Variants in CA13 observed in about 807,000 individuals in gnomAD.
The protein encoded by CA13 is CA-XIII.
Under a neutral mutation model 31.5 loss-of-function variants are expected in CA13, and 21 were observed. The ratio of observed to expected loss-of-function variants is 0.67; its 90% confidence interval spans 0.47 to 0.96. The LOEUF is 0.96. Ranked by LOEUF, CA13 falls within the 40% of genes least tolerant of loss-of-function variation. The pLI is 0.00. For missense variants in CA13, 315 were observed against 318.9 expected, an observed-to-expected ratio of 0.99 and a Z score of 0.09; for synonymous variants, 117 against 111.4, an observed-to-expected ratio of 1.05 and a Z score of -0.32.
At chr8:85,253,301 A>T (rs909603198) in intron 2 of CA13, among the ~76,000 whole-genome samples, 61 of 146,972 alleles carry the variant, frequency 4.2e-4, no homozygotes, top group African/African-American at 1.4e-3. Flanking sequence ...GTCTCGCTCC[A>T]TTGCCTAGGC....
chr8:85,266,773 C>T lies in CA13; in HGVS notation c.450+70C>T. ...GAAAGAGCTTCAGTCACGAAGTAGA[C>T]ATTCAACCATCTTGTTTAATAGTAA... On this transcript the variant is annotated intron_variant, in intron 4 of 6. Coordinates refer to ENST00000321764, the MANE Select transcript of CA13 (RefSeq NM_198584.3). 6.2e-6 allele frequency: 7 copies of T among 1,135,052 alleles called. No individual in the cohort carries two copies. In the Middle Eastern group the frequency reaches 1.2e-3, roughly 194 times the overall value. 70.3% of individuals were successfully genotyped at this position (1,135,052 alleles called of 1,614,324 possible).
chr8:85,281,623 C>A lies in CA13; in HGVS notation c.*274C>A. 1 of 494,204 alleles carries A rather than the reference C, an allele frequency of 2.0e-6. No individual in the cohort carries two copies. Among genetic ancestry groups the A allele is most frequent in the Non-Finnish European group, 2.9e-6 (1 of 350,812 alleles). 30.6% of individuals were successfully genotyped at this position (494,204 alleles called of 1,614,324 possible). A position where few individuals can be genotyped will look rare whatever the true frequency, so the allele number is the denominator to read the frequency against. The stretch of plus-strand genomic sequence containing the variant: ...CAACTCCTGGACTCAAGTGATCCTC[C>A]CACCTCAGCCTCCAGAGTAAGTAGG... On this transcript the variant is annotated 3_prime_UTR_variant, in exon 7 of 7. Transcript: ENST00000321764.
intron 3 of CA13, among the ~76,000 whole-genome samples, chr8:85,265,417 G>A (rs989787530): frequency 6.6e-6 from 1 of 152,166 alleles, no homozygotes; most frequent in Non-Finnish European, 1.5e-5. Flanking sequence ...GGGTGTGTTC[G>A]AGATACCGTA....
intron 5 of CA13, 50 bp from the exon 6 acceptor site, chr8:85,268,422 A>C (rs369849769): frequency 6.4e-7 from 1 of 1,560,612 alleles, no homozygotes; most frequent in Non-Finnish European, 8.8e-7. Flanking sequence ...TTTGAGGTCT[A>C]TGTAGAGCTA....
rs188406475 is a variant in CA13 at position 85,272,138 on chromosome 8, C to G, written c.669+3511C>G. On this transcript the variant is annotated intron_variant, in intron 6 of 6. Coordinates refer to ENST00000321764, the MANE Select transcript of CA13 (RefSeq NM_198584.3). ...GTGCTCTTTTGCAGTCCTTCACCTT[C>G]TTCACCATAGTCCTAGGCAACAACT... Among the ~76,000 whole-genome samples the G allele has an allele frequency of 1.5e-3, 229 of 152,300 alleles. 2 individuals are homozygous for G. The highest frequency in any genetic ancestry group is 1.0e-3 in the Non-Finnish European group (71 of 68,028).
At chr8:85,270,396 A>G (rs1186471164) in intron 6 of CA13, among the ~76,000 whole-genome samples, 1 of 152,210 alleles carries the variant, frequency 6.6e-6, no homozygotes, top group Admixed American at 6.5e-5. Flanking sequence ...AAGGCAAATA[A>G]TAACCTAGTG....
intron 2 of CA13, among the ~76,000 whole-genome samples, chr8:85,257,030 A>C (rs1807311018): frequency 6.6e-6 from 1 of 152,152 alleles, no homozygotes; most frequent in South Asian, 2.1e-4. Flanking sequence ...GATTCCAAGC[A>C]AATTGCAGAT....
chr8:85,261,283 A>G (rs909582671), intron 3 of CA13, among the ~76,000 whole-genome samples: 9 of 152,288 alleles, frequency 5.9e-5, no homozygotes, highest in African/African-American at 1.9e-4. Flanking sequence ...TTTGTTTCAC[A>G]TGGAGACCTT....
In CA13 at chr8:85,268,543, T is replaced by C; in HGVS notation, c.585T>C (p.Tyr195=). The change falls in exon 6 of 7, where the codon TAT becomes TAC. Residue 195 remains tyrosine, a synonymous_variant. Transcript: ENST00000321764. ...CACCATCCTGGGACTACTGGACATATCCTGGTTCTCTTACAGTTCCACCTC... is the reference window on the plus strand; with the variant it reads ...CACCATCCTGGGACTACTGGACATACCCTGGTTCTCTTACAGTTCCACCTC... ...LLPPSWDYWT[Y]PGSLTVPPLL... is the part of the protein sequence containing the mutation. 6.2e-7 allele frequency: 1 copy of C among 1,614,060 alleles called. No individual in the cohort carries two copies. Among genetic ancestry groups the C allele is most frequent in the Non-Finnish European group, 8.5e-7 (1 of 1,179,926 alleles).
intron 2 of CA13, among the ~76,000 whole-genome samples, chr8:85,258,759 C>CA (rs33933991): frequency 0.015 from 632 of 43,478 alleles, 157 homozygotes; most frequent in East Asian, 0.049. Flanking sequence ...CCTGTCTCTA[C>CA]AAAAAAAAAA....
intron 6 of CA13, among the ~76,000 whole-genome samples, chr8:85,276,264 G>C (rs995243379): frequency 6.6e-6 from 1 of 152,210 alleles, no homozygotes; most frequent in South Asian, 2.1e-4. Flanking sequence ...CTCCCCCCGG[G>C]GCAGGGCTCG....
At chr8:85,247,849 G>T (rs144891900) in intron 1 of CA13, among the ~76,000 whole-genome samples, 194 of 151,768 alleles carry the variant, frequency 1.3e-3, no homozygotes, top group African/African-American at 4.2e-3. Flanking sequence ...GGAATTACAG[G>T]CATGAGCCAC....
chr8:85,259,353 G>T, intron 2 of CA13, 68 bp from the exon 3 acceptor site: 1 of 1,235,684 alleles, frequency 8.1e-7, no homozygotes. Flanking sequence ...TCAGGGAGAT[G>T]TTGTGGTTTG....
chr8:85,259,351 ATGT>A (rs1259353785), intron 2 of CA13, 67 bp from the exon 3 acceptor site: 11 of 1,184,930 alleles, frequency 9.3e-6, no homozygotes, highest in African/African-American at 1.5e-5. Context: ...ATTCAGGGAG[ATGT>A]TGTGGTTTGA....
At chr8:85,257,166 A>G (rs1377369895) in intron 2 of CA13, among the ~76,000 whole-genome samples, 1 of 152,212 alleles carries the variant, frequency 6.6e-6, no homozygotes, top group African/African-American at 2.4e-5. Flanking sequence ...CCTACAAACT[A>G]AAGTTTGTGG....
At chr8:85,278,433 G>A (rs1395392851) in intron 6 of CA13, among the ~76,000 whole-genome samples, 1 of 152,118 alleles carries the variant, frequency 6.6e-6, no homozygotes, top group South Asian at 2.1e-4. Flanking sequence ...AGTGAGACAT[G>A]CGTGTGGACA....
chr8:85,277,960 A>G (rs1807639523), intron 6 of CA13, among the ~76,000 whole-genome samples: 1 of 151,902 alleles, frequency 6.6e-6, no homozygotes, highest in Admixed American at 6.6e-5. Flanking sequence ...AGGAGGGAGG[A>G]AGTTATTCAT....
intron 4 of CA13, chr8:85,267,098 T>TA (rs1223106408): frequency 2.0e-5 from 6 of 295,650 alleles, no homozygotes; most frequent in African/African-American, 4.6e-5. Context: ...CACTGGTTTT[T>TA]AAAAAAATTT....
At position 85,281,510 on chromosome 8, in the gene CA13, CT is replaced by C. The variant is rs1034002625; in HGVS notation, c.*171del. On this transcript the variant is annotated 3_prime_UTR_variant, in exon 7 of 7. Coordinates refer to ENST00000321764, the MANE Select transcript of CA13 (RefSeq NM_198584.3). The stretch of plus-strand genomic sequence containing the variant: ...CACAAAGAAAACCAGATCTCTCTCT[CT>C]TTTTTTTTTATTTTTTTTAGTGATA... The C allele has an allele frequency of 3.0e-3, 3,721 of 1,222,280 alleles. No homozygotes were observed. The highest frequency in any genetic ancestry group is 6.1e-3 in the East Asian group (192 of 31,292). The allele number at this position is 1,222,280 out of a possible 1,614,324, so 75.7% of individuals were successfully genotyped here. A position where few individuals can be genotyped will look rare whatever the true frequency, so the allele number is the denominator to read the frequency against.
Sources: gnomAD v4.1 joint callset for allele counts (sites outside exome capture counted in the v4.1 genomes callset) on GRCh38, gnomAD v4.1.1 for gene constraint, MANE v1.5 for transcripts, NCBI Gene and HGNC (gene_info 2026-07-23, HGNC 2026-07-21) for gene names.